The following PTP4A1 variants were observed in gnomAD, a reference collection of about 807,000 sequenced individuals.
PTP4A1 encodes protein tyrosine phosphatase type IVA 1.
In PTP4A1, 9 loss-of-function variants were observed where a neutral mutation model predicts 20.5. The observed-to-expected ratio is 0.44, with a 90% CI of 0.26 to 0.77. The LOEUF is 0.77. PTP4A1 is among the 30% of genes least tolerant of loss of function. The probability of loss-of-function intolerance (pLI) is 0.19; values close to 1 mark genes in which losing one functional copy is unlikely to be tolerated. For synonymous variants in PTP4A1, 78 were observed against 67.4 expected (o/e 1.16, Z -0.77); for missense variants, 137 against 218.8 (o/e 0.63, Z 2.36).
At chr6:63,534,398 T>G (rs924985852) in intron 2 of PTP4A1, among the ~76,000 whole-genome samples, 2 of 151,756 alleles carry the variant, frequency 1.3e-5, no homozygotes, top group African/African-American at 4.8e-5. Flanking sequence ...ACCTGATACA[T>G]TTCTCCACTG....
intron 3 of PTP4A1, among the ~76,000 whole-genome samples, chr6:63,557,740 T>C (rs1446256095): frequency 1.3e-5 from 2 of 152,038 alleles, no homozygotes; most frequent in Non-Finnish European, 2.9e-5. Context: ...GAGCACGAGG[T>C]AGGGCTATAA....
At chr6:63,523,748 T>A (rs1775039740) in intron 1 of PTP4A1, among the ~76,000 whole-genome samples, 1 of 152,106 alleles carries the variant, frequency 6.6e-6, no homozygotes, top group African/African-American at 2.4e-5. Context: ...TTTAAGCTCA[T>A]CAGCTATCGT....
At chr6:63,562,621 A>G (rs1170980309) in intron 3 of PTP4A1, among the ~76,000 whole-genome samples, 3 of 152,258 alleles carry the variant, frequency 2.0e-5, no homozygotes, top group Non-Finnish European at 2.9e-5. Flanking sequence ...AAATTCAACA[A>G]AACAGTGCAA....
At chr6:63,532,399 A>T (rs1036953883) in intron 2 of PTP4A1, among the ~76,000 whole-genome samples, 1 of 152,156 alleles carries the variant, frequency 6.6e-6, no homozygotes, top group Non-Finnish European at 1.5e-5. Context: ...CTATGCTCAC[A>T]TACTACCAGT....
At position 63,572,605 on chromosome 6, in the gene PTP4A1, C is replaced by A; in HGVS notation, c.-560C>A. On this transcript the variant is annotated 5_prime_UTR_variant, in exon 1 of 6. Transcript: ENST00000626021. Reference sequence around the variant, plus strand: ...CGCCTGCATCGCCGCCACCGCCGCTCCGCCACGACCACCGCCGCCTCCTGC... The same window carrying A: ...CGCCTGCATCGCCGCCACCGCCGCTACGCCACGACCACCGCCGCCTCCTGC... The A allele has an allele frequency of 2.4e-6, 1 of 419,044 alleles. No individual in the cohort carries two copies. The highest frequency in any genetic ancestry group is 6.1e-4 in the Middle Eastern group (1 of 1,644). 26.0% of individuals were successfully genotyped at this position (419,044 alleles called of 1,614,324 possible). A position where few individuals can be genotyped will look rare whatever the true frequency, so the allele number is the denominator to read the frequency against.
intron 3 of PTP4A1, among the ~76,000 whole-genome samples, chr6:63,551,522 T>C (rs1441414019): frequency 6.6e-6 from 1 of 152,174 alleles, no homozygotes; most frequent in Non-Finnish European, 1.5e-5. Context: ...AAAACTAGGA[T>C]TCTGTCATAT....
intron 2 of PTP4A1, among the ~76,000 whole-genome samples, chr6:63,537,604 C>A (rs1359132627): frequency 6.6e-6 from 1 of 152,190 alleles, no homozygotes; most frequent in Non-Finnish European, 1.5e-5. Flanking sequence ...TTGAATTCTG[C>A]ATTTGTTTGT....
intron 1 of PTP4A1, 51 bp downstream of exon 1, chr6:63,572,770 C>T (rs1288857671): frequency 2.5e-6 from 1 of 398,264 alleles, no homozygotes. Context: ...CACGACCGGC[C>T]CCCCATCCCC....
upstream of PTP4A1, chr6:63,571,745 T>A (rs563104560): frequency 3.9e-5 from 6 of 152,122 alleles, no homozygotes; most frequent in African/African-American, 1.4e-4. Context: ...GTACGTAGTA[T>A]AGAGAGGTGT....
upstream of PTP4A1, among the ~76,000 whole-genome samples, chr6:63,519,471 C>T (rs1281735253): frequency 6.6e-6 from 1 of 152,132 alleles, no homozygotes. Context: ...TGTACTATGT[C>T]CTGTCTTACC....
chr6:63,583,357 T>C lies in PTP4A1; in HGVS notation c.*3183T>C, dbSNP rs1471656819. On this transcript the variant is annotated 3_prime_UTR_variant, in exon 6 of 6. Transcript: ENST00000626021. ...ATGTGCCTCACACCTGAATTGAAAA[T>C]TAAAGACTGGTTTAAAAGTGGTTTA... 3.3e-5 allele frequency: 5 copies of C among 152,192 alleles called. No homozygotes were observed. The East Asian group carries it at 9.6e-4, about 29-fold the overall frequency. 9.4% of individuals were successfully genotyped at this position (152,192 alleles called of 1,614,324 possible).
At chr6:63,545,598 AAG>A (rs1776148573) in intron 2 of PTP4A1, among the ~76,000 whole-genome samples, 1 of 152,066 alleles carries the variant, frequency 6.6e-6, no homozygotes, top group East Asian at 1.9e-4. Context: ...GCAACAGAGC[AAG>A]ACTCTGTCTC....
intron 1 of PTP4A1, among the ~76,000 whole-genome samples, chr6:63,522,195 T>C (rs1774952962): frequency 1.3e-5 from 2 of 152,232 alleles, no homozygotes; most frequent in Non-Finnish European, 2.9e-5. Flanking sequence ...TGGAATGTCA[T>C]ATTCCTTTTT....
intron 2 of PTP4A1, among the ~76,000 whole-genome samples, chr6:63,543,291 A>G (rs1776058158): frequency 6.6e-6 from 1 of 151,978 alleles, no homozygotes; most frequent in Admixed American, 6.6e-5. Flanking sequence ...ACTAAAATGA[A>G]CCCTCCTCAG....
chr6:63,565,736 CTG>C (rs889827827), intron 3 of PTP4A1, among the ~76,000 whole-genome samples: 20 of 152,298 alleles, frequency 1.3e-4, no homozygotes, highest in Non-Finnish European at 2.8e-4. Flanking sequence ...TTGGAAATTT[CTG>C]TGTCTAAATT....
Position 63,528,380 on chromosome 6 carries a change from G to C in PTP4A1, c.-640+296G>C, listed in dbSNP as rs116678347. The stretch of plus-strand genomic sequence containing the variant: ...GGAGGCTGAGGTGGGAGAATCGCTT[G>C]AGCCCAGCAATTAGAAATCAGCCTG... On this transcript the variant is annotated intron_variant, in intron 2 of 3. Transcript: ENST00000639568. Among the ~76,000 whole-genome samples the C allele has an allele frequency of 8.7e-3, 1,325 of 152,038 alleles. 23 individuals are homozygous for C. The highest frequency in any genetic ancestry group is 0.03 in the African/African-American group (1,253 of 41,472).
chr6:63,537,940 A>G (rs940980851), intron 2 of PTP4A1, among the ~76,000 whole-genome samples: 10 of 152,256 alleles, frequency 6.6e-5, no homozygotes, highest in Non-Finnish European at 1.5e-5. Flanking sequence ...TTAAAAGAAC[A>G]GAAAAGAGGA....
chr6:63,535,952 T>C (rs1297300429), intron 2 of PTP4A1, among the ~76,000 whole-genome samples: 2 of 152,188 alleles, frequency 1.3e-5, no homozygotes, highest in African/African-American at 4.8e-5. Flanking sequence ...TCTGTATTTT[T>C]TGTAGAGACA....
At chr6:63,531,603 T>A in intron 2 of PTP4A1, among the ~76,000 whole-genome samples, 1 of 147,896 alleles carries the variant, frequency 6.8e-6, no homozygotes, top group East Asian at 2.1e-4. Flanking sequence ...AATCTTCCTC[T>A]CTCATCCTCC....
Sources: allele counts gnomAD v4.1 joint callset (sites outside exome capture counted in the v4.1 genomes callset), GRCh38; gene constraint gnomAD v4.1.1; transcripts MANE v1.5; gene names NCBI Gene and HGNC (gene_info 2026-07-23, HGNC 2026-07-21).